The following PRH1 variants were observed in gnomAD, a reference collection of about 807,000 sequenced individuals.
PRH1 encodes the protein salivary acidic proline-rich phosphoprotein 1/2.
PRH1 carries 7 observed loss-of-function variants against 7.9 expected under a neutral mutation model. The ratio of observed to expected loss-of-function variants is 0.89; its 90% CI spans 0.50 to 1.67. The LOEUF is 1.67. Among genes scored for constraint, PRH1 ranks in the 40% most tolerant of loss-of-function variants. PRH1 has a pLI of 0.00. For synonymous variants in PRH1, 45 were observed against 80.8 expected, an observed-to-expected ratio of 0.56 and a Z score of 2.38; for missense variants, 109 against 223.6, an observed-to-expected ratio of 0.49 and a Z score of 3.27.
intron 1 of PRH1, among the ~76,000 whole-genome samples, chr12:11,042,088 C>G (rs1942730286): frequency 6.6e-6 from 1 of 151,830 alleles, no homozygotes. Context: ...AAAAGTAACC[C>G]AAACCCAAAA....
At chr12:11,009,770 G>T (rs1475802257) in intron 1 of PRH1, among the ~76,000 whole-genome samples, 1 of 151,878 alleles carries the variant, frequency 6.6e-6, no homozygotes, top group Non-Finnish European at 1.5e-5. Context: ...TCCTCATATG[G>T]AAATTCAATA....
At chr12:10,993,627 G>A (rs191462302) in intron 1 of PRH1, among the ~76,000 whole-genome samples, 1 of 151,976 alleles carries the variant, frequency 6.6e-6, no homozygotes, top group African/African-American at 2.4e-5. Flanking sequence ...ATATTTGTTG[G>A]GCCTACTGGG....
At chr12:10,959,914 A>G (rs1938156622) in intron 2 of PRH1, among the ~76,000 whole-genome samples, 1 of 152,184 alleles carries the variant, frequency 6.6e-6, no homozygotes, top group South Asian at 2.1e-4. Context: ...AGAAAGAACT[A>G]GCAAAGGAGA....
chr12:11,100,832 T>C (rs1214102671), intron 1 of PRH1, among the ~76,000 whole-genome samples: 1 of 152,124 alleles, frequency 6.6e-6, no homozygotes, highest in African/African-American at 2.4e-5. Flanking sequence ...TTCTATGATT[T>C]TTTTCTCTAA....
rs546610079 is a variant in PRH1 at position 10,911,286 on chromosome 12, T to C, written c.-58-27011A>G. Among the ~76,000 whole-genome samples the C allele has an allele frequency of 7.9e-5, 12 of 152,320 alleles. No individual in the cohort carries two copies. In the South Asian group the frequency reaches 1.9e-3, roughly 24 times the overall value. On this transcript the variant is annotated intron_variant, in intron 2 of 3. Transcript: ENST00000539853. ...GTATATGAAAAAATACCACAGTTTT[T>C]AGAACTTGTGATATAACACATGACA... is the stretch of plus-strand genomic sequence containing the variant.
intron 1 of PRH1, among the ~76,000 whole-genome samples, chr12:11,055,633 T>C (rs1943333755): frequency 6.6e-6 from 1 of 152,224 alleles, no homozygotes; most frequent in African/African-American, 2.4e-5. Flanking sequence ...CATGCTGATG[T>C]TGAAGTAAAA....
At chr12:10,892,812 A>C (rs1370419603) in intron 2 of PRH1, among the ~76,000 whole-genome samples, 1 of 152,160 alleles carries the variant, frequency 6.6e-6, no homozygotes, top group Non-Finnish European at 1.5e-5. Flanking sequence ...TTTTTCACCC[A>C]CAAATTATTT....
chr12:10,931,743 T>A (rs759885132), intron 2 of PRH1, among the ~76,000 whole-genome samples: 5 of 152,218 alleles, frequency 3.3e-5, no homozygotes, highest in Non-Finnish European at 5.9e-5. Context: ...TTCAGTTCTG[T>A]GTCTTACTTA....
chr12:11,164,246 G>A (rs1463299489), intron 1 of PRH1, among the ~76,000 whole-genome samples: 1 of 152,172 alleles, frequency 6.6e-6, no homozygotes, highest in African/African-American at 2.4e-5. Context: ...CCAATCTGAT[G>A]AGGGCCCTAA....
chr12:11,134,267 T>G (rs757002501), intron 1 of PRH1: 1 of 1,589,584 alleles, frequency 6.3e-7, no homozygotes, highest in South Asian at 1.1e-5. Flanking sequence ...AAAAAGAAAT[T>G]TTTAAAATGC....
chr12:10,899,092 A>G (rs1278462053), intron 2 of PRH1, among the ~76,000 whole-genome samples: 1 of 152,192 alleles, frequency 6.6e-6, no homozygotes, highest in African/African-American at 2.4e-5. Flanking sequence ...TTTTGGAATG[A>G]GAATGTCTAT....
At chr12:10,921,290 T>C (rs1754690904) in intron 2 of PRH1, among the ~76,000 whole-genome samples, 1 of 152,062 alleles carries the variant, frequency 6.6e-6, no homozygotes, top group South Asian at 2.1e-4. Context: ...TTTTTATAAA[T>C]CCATCTGAAT....
chr12:11,168,433 AAAG>A (rs1396388755), intron 1 of PRH1, among the ~76,000 whole-genome samples: 7 of 150,906 alleles, frequency 4.6e-5, no homozygotes, highest in African/African-American at 1.2e-4. Flanking sequence ...AAAGAAAAGA[AAAG>A]AAAAAAGAAA....
chr12:11,115,140 A>C (rs1945695130), intron 1 of PRH1, among the ~76,000 whole-genome samples: 1 of 152,108 alleles, frequency 6.6e-6, no homozygotes, highest in Non-Finnish European at 1.5e-5. Context: ...ACAAAACACC[A>C]ATCTGTTGCC....
At chr12:10,921,497 T>C (rs538474322) in intron 2 of PRH1, among the ~76,000 whole-genome samples, 18 of 152,352 alleles carry the variant, frequency 1.2e-4, no homozygotes, top group South Asian at 4.1e-4. Context: ...TAGTATTTTC[T>C]ACATTTCATC....
chr12:11,134,199 T>G, intron 1 of PRH1: 1 of 1,613,548 alleles, frequency 6.2e-7, no homozygotes, highest in East Asian at 2.2e-5. Flanking sequence ...ATAACAAATA[T>G]AACCACTATT....
intron 2 of PRH1, among the ~76,000 whole-genome samples, chr12:10,911,846 A>T (rs1346845902): frequency 1.3e-5 from 2 of 152,196 alleles, no homozygotes; most frequent in Non-Finnish European, 2.9e-5. Context: ...AAGAAAGAGA[A>T]CTTTGTAAAC....
At chr12:11,067,457 TG>T (rs1943873953) in intron 1 of PRH1, among the ~76,000 whole-genome samples, 4 of 152,136 alleles carry the variant, frequency 2.6e-5, no homozygotes, top group Admixed American at 1.3e-4. Context: ...AGAAAAAAGG[TG>T]TTTAGCTGTC....
chr12:11,054,905 C>T (rs28542274), intron 1 of PRH1, among the ~76,000 whole-genome samples: 24,073 of 132,350 alleles, frequency 0.18, 2,528 homozygotes, highest in Non-Finnish European at 0.24. Flanking sequence ...CTGCAAGCTC[C>T]GCCTCACTGC....
Sources: gnomAD v4.1 joint callset for allele counts (sites outside exome capture counted in the v4.1 genomes callset) on GRCh38, gnomAD v4.1.1 for gene constraint, MANE v1.5 for transcripts, NCBI Gene and HGNC (gene_info 2026-07-23, HGNC 2026-07-21) for gene names.